SAC3D1: variants seen among roughly 807,000 people sequenced by gnomAD.
SAC3D1 encodes SAC3 domain-containing protein 1.
A neutral mutation model predicts 12.7 loss-of-function variants in SAC3D1; 10 were observed. The observed-to-expected ratio is 0.79, with a 90% CI of 0.49 to 1.34. The LOEUF (loss-of-function observed/expected upper bound fraction) is 1.34. Ranked by LOEUF, SAC3D1 falls within the 40% of genes most tolerant of loss-of-function variation. SAC3D1 has a pLI of 0.00. For missense variants in SAC3D1, 482 were observed against 531.1 expected, an observed-to-expected ratio of 0.91 and a Z score of 0.91; for synonymous variants, 241 against 250.8, an observed-to-expected ratio of 0.96 and a Z score of 0.37.
Position 65,044,624 on chromosome 11 carries a change from G to T in SAC3D1, c.974G>T (p.Cys325Phe). 1 of 1,613,966 alleles carries T rather than the reference G, an allele frequency of 6.2e-7. No homozygotes were observed. The highest frequency in any genetic ancestry group is 8.5e-7 in the Non-Finnish European group (1 of 1,180,034). Reference protein sequence around the residue: ...VEEGLPPASTCKVLVESKLRG... With the variant: ...VEEGLPPASTFKVLVESKLRG... ...GAAGGGCTACCGCCTGCCAGTACGT[G>T]CAAGGTGTTAGTGGAGAGCAAACTT... The change falls in exon 2 of 2, where the codon TGC becomes TTC. Residue 325 changes from cysteine to phenylalanine, a missense_variant. Physicochemically the swap from Cys to Phe is radical, Grantham distance 205. Coordinates refer to ENST00000652489, the MANE Select transcript of SAC3D1 (RefSeq NM_013299.4). This position sits in a 1 kb window ranked among gnomAD's most constrained non-coding sequence, Gnocchi z 4.0.
intron 1 of SAC3D1, among the ~76,000 whole-genome samples, chr11:65,043,760 G>A (rs545073284): frequency 3.3e-5 from 5 of 152,222 alleles, no homozygotes; most frequent in African/African-American, 9.6e-5. Flanking sequence ...TCTTCCAGAA[G>A]GGAAGCAAGG....
rs1946596352 is a variant in SAC3D1, at chr11:65,041,448, G to A, written c.156G>A (p.Lys52=). The A allele has an allele frequency of 2.0e-6, 3 of 1,493,398 alleles. No homozygotes were observed. The highest frequency in any genetic ancestry group is 1.5e-5 in the African/African-American group (1 of 68,736). 92.5% of individuals were successfully genotyped at this position (1,493,398 alleles called of 1,614,324 possible). The change falls in exon 1 of 2, where the codon AAG becomes AAA. Residue 52 remains lysine, a synonymous_variant. Transcript: ENST00000652489. ...GCGCGGATCCGCAGCGCGCGGTGAA[G>A]GAGTACAGCCGACCCGCCGCCGGCA... is the stretch of plus-strand genomic sequence containing the variant. ...PPRADPQRAV[K]EYSRPAAGKP...
Position 65,041,336 on chromosome 11 carries a change from G to C in SAC3D1, c.44G>C (p.Cys15Ser). The C allele has an allele frequency of 6.6e-7, 1 of 1,510,156 alleles. No homozygotes were observed. Among genetic ancestry groups the C allele is most frequent in the Non-Finnish European group, 8.8e-7 (1 of 1,136,616 alleles). The allele number at this position is 1,510,156 out of a possible 1,614,324, so 93.5% of individuals were successfully genotyped here. ...ELPVGTCPDMCPAAERAQRER... is the reference protein window; with the variant it reads ...ELPVGTCPDMSPAAERAQRER... ...CCCGTGGGCACCTGCCCGGACATGT[G>C]CCCGGCCGCCGAGCGCGCCCAGCGC... The change falls in exon 1 of 2, where the codon TGC (cysteine) becomes TCC (serine). Residue 15 changes from cysteine (C) to serine (S), a missense_variant. By Grantham distance (112) the Cys-to-Ser change is moderately radical. Coordinates refer to ENST00000652489, the MANE Select transcript of SAC3D1 (RefSeq NM_013299.4).
In SAC3D1 at chr11:65,044,737, G is replaced by A. The variant is rs777614357; in HGVS notation, c.*10G>A. The A allele has an allele frequency of 1.2e-5, 19 of 1,608,552 alleles. No homozygotes were observed. The East Asian group carries it at 2.0e-4, about 17-fold the overall frequency. ...TGGGTCCCCAGCCTGAGGAGGGAGC[G>A]TGAGCCTCCCAGAGCCCCAGGACTG... On this transcript the variant is annotated 3_prime_UTR_variant, in exon 2 of 2. Coordinates refer to ENST00000652489, the MANE Select transcript of SAC3D1 (RefSeq NM_013299.4). The surrounding 1 kb of genome is among the most constrained non-coding windows in gnomAD (Gnocchi z 4.0).
chr11:65,041,010 G>C, upstream of SAC3D1: 1 of 508,716 alleles, frequency 2.0e-6, no homozygotes, highest in Non-Finnish European at 3.5e-6. Context: ...CTTGGCGCTC[G>C]ATGGGGGCCG....
intron 1 of SAC3D1, among the ~76,000 whole-genome samples, chr11:65,043,688 AC>A (rs1190767918): frequency 2.0e-5 from 3 of 150,920 alleles, no homozygotes; most frequent in Non-Finnish European, 4.4e-5. Context: ...TGACTTCACA[AC>A]CTACTTATTG....
upstream of SAC3D1, chr11:65,040,967 T>G: frequency 2.5e-6 from 1 of 400,470 alleles, no homozygotes; most frequent in Non-Finnish European, 4.5e-6. Context: ...GGGCTACACG[T>G]TAAAAACACT....
chr11:65,041,287 C>G lies in SAC3D1; in HGVS notation c.-6C>G. ...TGAGCGCCCACCGTCTCCCCGCAGCCCCCTCATGCCCGGCTGCGAGCTGCC... is the reference window on the plus strand; with the variant it reads ...TGAGCGCCCACCGTCTCCCCGCAGCGCCCTCATGCCCGGCTGCGAGCTGCC... On this transcript the variant is annotated 5_prime_UTR_variant, in exon 1 of 2. Transcript: ENST00000652489. 6.7e-7 allele frequency: 1 copy of G among 1,498,260 alleles called. No individual in the cohort carries two copies. The highest frequency in any genetic ancestry group is 8.8e-7 in the Non-Finnish European group (1 of 1,131,658). 92.8% of individuals were successfully genotyped at this position (1,498,260 alleles called of 1,614,324 possible).
Position 65,041,729 on chromosome 11 carries a change from G to A in SAC3D1, c.437G>A (p.Arg146Gln). The change falls in exon 1 of 2, where the codon CGG becomes CAG. Residue 146 changes from arginine (R) to glutamine (Q), a missense_variant. Arg to Gln is a conservative substitution (Grantham distance 43). Coordinates refer to ENST00000652489, the MANE Select transcript of SAC3D1 (RefSeq NM_013299.4). ...GCGCGGCTCGGGCCCGACGCGGCGC[G>A]GGGACCCGCGGACCCGGTGCTGCTG... is the stretch of plus-strand genomic sequence containing the variant. ...VVARLGPDAA[R>Q]GPADPVLLQA... The A allele has an allele frequency of 1.5e-6, 2 of 1,306,632 alleles. No individual in the cohort carries two copies. The highest frequency in any genetic ancestry group is 1.9e-6 in the Non-Finnish European group (2 of 1,034,974). The allele number at this position is 1,306,632 out of a possible 1,614,324, so 80.9% of individuals were successfully genotyped here.
At chr11:65,040,979 A>AG (rs972155375), upstream of SAC3D1, 23 of 449,900 alleles carry the variant, frequency 5.1e-5, no homozygotes, top group Non-Finnish European at 8.7e-5. Context: ...AAAAACACTA[A>AG]GGGGAGCGCG....
At chr11:65,041,033 G>C, upstream of SAC3D1, 2 of 544,618 alleles carry the variant, frequency 3.7e-6, no homozygotes, top group South Asian at 4.0e-5. Context: ...AGCCGCCCTA[G>C]AGCGCGCGGA....
At chr11:65,041,019 C>A, upstream of SAC3D1, 1 of 520,672 alleles carries the variant, frequency 1.9e-6, no homozygotes, top group South Asian at 2.1e-5. Context: ...CGATGGGGGC[C>A]GTTAGCCGCC....
rs1946611987 is a variant in SAC3D1 at position 65,041,882 on chromosome 11, G to A, written c.574+16G>A. ...TATAACCTGGGTGAGTCGGGATCCT[G>A]GCGGCTGGGCAGAGCGTGGGGACAG... On this transcript the variant is annotated intron_variant, in intron 1 of 1. Coordinates refer to ENST00000652489, the MANE Select transcript of SAC3D1 (RefSeq NM_013299.4). 1.4e-6 allele frequency: 2 copies of A among 1,420,840 alleles called. No individual in the cohort carries two copies. Among genetic ancestry groups the A allele is most frequent in the African/African-American group, 3.0e-5 (2 of 66,366 alleles). 88.0% of individuals were successfully genotyped at this position (1,420,840 alleles called of 1,614,324 possible).
Position 65,044,187 on chromosome 11 carries a change from G to A in SAC3D1, c.575-38G>A, listed in dbSNP as rs201339327. 1.3e-6 allele frequency: 2 copies of A among 1,598,842 alleles called. No homozygotes were observed. The highest frequency in any genetic ancestry group is 1.7e-6 in the Non-Finnish European group (2 of 1,172,022). On this transcript the variant is annotated intron_variant, in intron 1 of 1. Coordinates refer to ENST00000652489, the MANE Select transcript of SAC3D1 (RefSeq NM_013299.4). The surrounding 1 kb of genome is among the most constrained non-coding windows in gnomAD (Gnocchi z 4.0). ...AGGGGAGATGAGCCTGATCCTGTAA[G>A]GACCAGGCGTCCTCATTCTGGCTTC...
At chr11:65,042,201 G>T (rs772070650) in intron 1 of SAC3D1, among the ~76,000 whole-genome samples, 6 of 150,892 alleles carry the variant, frequency 4.0e-5, no homozygotes, top group Admixed American at 6.6e-5. Flanking sequence ...TGGGTCAAGC[G>T]ATTCTTCTGC....
At chr11:65,041,047 G>C, upstream of SAC3D1, 1 of 559,892 alleles carries the variant, frequency 1.8e-6, no homozygotes. Context: ...GCGCGGAGCC[G>C]CAGAGGCGTA....
Position 65,042,911 on chromosome 11 carries a change from C to T in SAC3D1, c.574+1045C>T, listed in dbSNP as rs552065221. 3 of 311,094 alleles carry T rather than the reference C, an allele frequency of 9.6e-6. No homozygotes were observed. In the East Asian group the frequency reaches 3.8e-4, roughly 39 times the overall value. 19.3% of individuals were successfully genotyped at this position (311,094 alleles called of 1,614,324 possible). A position where few individuals can be genotyped will look rare whatever the true frequency, so the allele number is the denominator to read the frequency against. On this transcript the variant is annotated intron_variant, in intron 1 of 1. Transcript: ENST00000652489. Reference sequence around the variant, plus strand: ...AGTACAGTGGCTTAATTATAGTTCACTGCAGCCTCAACCTCGTGGGCTCAA... The same window carrying T: ...AGTACAGTGGCTTAATTATAGTTCATTGCAGCCTCAACCTCGTGGGCTCAA...
chr11:65,041,582 T>C lies in SAC3D1; in HGVS notation c.290T>C (p.Val97Ala). ...AGCGCCGACATCGCCCGCGCCGAGG[T>C]GGCCAGCTTCGTGGCAGACCGCTTG... The part of the protein sequence containing the change: ...AESADIARAE[V>A]ASFVADRLRA... Residue 97 changes from valine (V) to alanine (A), a missense_variant, in exon 1 of 2, where the codon GTG becomes GCG. By Grantham distance (64) the Val-to-Ala change is moderately conservative. Around this residue, in one of 3 missense-constraint regions of SAC3D1, gnomAD observed 197 missense variants for 183.2 expected, o/e 1.08. Coordinates refer to ENST00000652489, the MANE Select transcript of SAC3D1 (RefSeq NM_013299.4). 2 of 1,476,994 alleles carry C rather than the reference T, an allele frequency of 1.4e-6. No homozygotes were observed. The highest frequency in any genetic ancestry group is 1.8e-6 in the Non-Finnish European group (2 of 1,119,554). 91.5% of individuals were successfully genotyped at this position (1,476,994 alleles called of 1,614,324 possible).
chr11:65,041,467 G>T lies in SAC3D1; in HGVS notation c.175G>T (p.Ala59Ser), dbSNP rs1410904154. The T allele has an allele frequency of 1.4e-6, 2 of 1,480,968 alleles. No homozygotes were observed. Among genetic ancestry groups the T allele is most frequent in the South Asian group, 1.3e-5 (1 of 78,444 alleles). The allele number at this position is 1,480,968 out of a possible 1,614,324, so 91.7% of individuals were successfully genotyped here. ...RAVKEYSRPA[A>S]GKPRPPPSQL... ...GGTGAAGGAGTACAGCCGACCCGCCGCCGGCAAGCCCCGGCCCCCGCCCAG... is the reference window on the plus strand; with the variant it reads ...GGTGAAGGAGTACAGCCGACCCGCCTCCGGCAAGCCCCGGCCCCCGCCCAG... Residue 59 changes from alanine to serine, a missense_variant, in exon 1 of 2, where the codon GCC becomes TCC. Ala to Ser is a moderately conservative substitution (Grantham distance 99). Transcript: ENST00000652489.
Sources: allele counts gnomAD v4.1 joint callset (sites outside exome capture counted in the v4.1 genomes callset), GRCh38; gene constraint gnomAD v4.1.1; regional missense constraint gnomAD v4.1.1; non-coding constraint Gnocchi (gnomAD v3.1); transcripts MANE v1.5; gene names NCBI Gene and HGNC (gene_info 2026-07-23, HGNC 2026-07-21).